ARHGAP26: variants seen among roughly 807,000 people sequenced by gnomAD.
ARHGAP26 encodes the protein rho GTPase-activating protein 26.
ARHGAP26 carries 38 observed loss-of-function variants against 104.8 expected under a neutral mutation model. The observed-to-expected ratio is 0.36, with a 90% CI of 0.28 to 0.48. The LOEUF is 0.48. Among genes scored for constraint, ARHGAP26 ranks in the 20% least tolerant of loss-of-function variants. The pLI is 0.99. For missense variants in ARHGAP26, 704 were observed against 947.9 expected (o/e 0.74, Z 3.38); for synonymous variants, 341 against 340.0 (o/e 1.00, Z -0.03).
chr5:143,074,597 G>A (rs112160289), intron 17 of ARHGAP26, among the ~76,000 whole-genome samples: 3,263 of 152,318 alleles, frequency 0.021, 97 homozygotes, highest in African/African-American at 0.072. Flanking sequence ...TTGGAACAGA[G>A]CCATGCTCAT....
At chr5:142,847,490 TG>T (rs1216530832) in intron 1 of ARHGAP26, among the ~76,000 whole-genome samples, 6 of 152,070 alleles carry the variant, frequency 3.9e-5, no homozygotes, top group Non-Finnish European at 4.4e-5. Flanking sequence ...CCGGAGTAGC[TG>T]GGATTACAGG....
At chr5:142,923,842 T>G (rs914518032) in intron 10 of ARHGAP26, among the ~76,000 whole-genome samples, 1 of 151,518 alleles carries the variant, frequency 6.6e-6, no homozygotes, top group African/African-American at 2.4e-5. Flanking sequence ...TTCATTCATT[T>G]ATTAGGATCA....
chr5:142,833,193 A>G (rs1008542680), intron 1 of ARHGAP26, among the ~76,000 whole-genome samples: 2 of 150,920 alleles, frequency 1.3e-5, no homozygotes, highest in African/African-American at 4.9e-5. Context: ...AGCTGGGACT[A>G]CAGGCACCCA....
chr5:143,214,005 T>C lies in ARHGAP26; in HGVS notation c.2108T>C (p.Phe703Ser). The C allele has an allele frequency of 6.3e-7, 1 of 1,592,762 alleles. No homozygotes were observed. Among genetic ancestry groups the C allele is most frequent in the Non-Finnish European group, 8.6e-7 (1 of 1,164,802 alleles). ...SSDSSPVSTP[F>S]RKAKALYACK... is the part of the protein sequence containing the mutation. Reference sequence around the variant, plus strand: ...CTCCTGTTTTCACACAGCACACCGTTCCGGAAGGCAAAAGCCTTGTATGCC... The same window carrying C: ...CTCCTGTTTTCACACAGCACACCGTCCCGGAAGGCAAAAGCCTTGTATGCC... The change falls in exon 22 of 23, where the codon TTC (phenylalanine) becomes TCC (serine). Residue 703 changes from phenylalanine to serine, a missense_variant. Coordinates refer to ENST00000645722, the MANE Select transcript of ARHGAP26 (RefSeq NM_001135608.3).
intron 18 of ARHGAP26, among the ~76,000 whole-genome samples, chr5:143,123,364 C>T (rs553647778): frequency 2.6e-4 from 40 of 152,352 alleles, no homozygotes; most frequent in African/African-American, 9.6e-4. Context: ...AGGAGATGCT[C>T]CCTCAGTCTT....
At chr5:143,070,646 A>G (rs1168055542) in intron 17 of ARHGAP26, among the ~76,000 whole-genome samples, 1 of 152,206 alleles carries the variant, frequency 6.6e-6, no homozygotes, top group Non-Finnish European at 1.5e-5. Context: ...GAAGGGGCTT[A>G]TGCCTATAAT....
At chr5:143,125,590 A>G (rs1280620240) in intron 18 of ARHGAP26, among the ~76,000 whole-genome samples, 1 of 152,244 alleles carries the variant, frequency 6.6e-6, no homozygotes, top group Admixed American at 6.5e-5. Context: ...AGGAGGAGAC[A>G]GAGAGGAAAA....
At chr5:143,164,907 A>C (rs990322115) in intron 20 of ARHGAP26, 1 of 152,248 alleles carries the variant, frequency 6.6e-6, no homozygotes, top group Non-Finnish European at 1.5e-5. Flanking sequence ...TAGAATCTGA[A>C]TATATAATCA....
At chr5:142,960,954 A>G (rs1770131040) in intron 11 of ARHGAP26, among the ~76,000 whole-genome samples, 1 of 152,210 alleles carries the variant, frequency 6.6e-6, no homozygotes, top group African/African-American at 2.4e-5. Flanking sequence ...ACCTTCTCAG[A>G]GAGGGCTTTC....
intron 1 of ARHGAP26, among the ~76,000 whole-genome samples, chr5:142,795,689 C>T: frequency 6.6e-6 from 1 of 152,106 alleles, no homozygotes; most frequent in East Asian, 1.9e-4. Context: ...CTTATTAAAG[C>T]CAGGAGGATA....
intron 14 of ARHGAP26, 63 bp from the exon 15 acceptor site, chr5:143,054,376 G>A: frequency 8.6e-7 from 1 of 1,162,704 alleles, no homozygotes. Context: ...ATGCCTTTAT[G>A]TGTGCTTATT....
chr5:142,789,123 A>C (rs984584659), intron 1 of ARHGAP26, among the ~76,000 whole-genome samples: 1 of 152,230 alleles, frequency 6.6e-6, no homozygotes, highest in Non-Finnish European at 1.5e-5. Context: ...TCTCATTTAC[A>C]AAATGGAGAC....
At chr5:143,060,331 A>G (rs971582668) in intron 17 of ARHGAP26, among the ~76,000 whole-genome samples, 2 of 152,150 alleles carry the variant, frequency 1.3e-5, no homozygotes, top group African/African-American at 4.8e-5. Context: ...TGTATTGTAT[A>G]TTTTTTAAAG....
intron 14 of ARHGAP26, among the ~76,000 whole-genome samples, chr5:143,052,575 C>T (rs1001760219): frequency 1.3e-5 from 2 of 152,126 alleles, no homozygotes; most frequent in Non-Finnish European, 2.9e-5. Context: ...AAACATCATA[C>T]AGGTACTGTG....
chr5:143,139,446 T>G (rs1445318964), intron 19 of ARHGAP26, among the ~76,000 whole-genome samples: 3 of 152,214 alleles, frequency 2.0e-5, no homozygotes, highest in African/African-American at 7.2e-5. Context: ...AAAGGGTACC[T>G]TTGTCAGTTC....
intron 11 of ARHGAP26, among the ~76,000 whole-genome samples, chr5:143,002,573 G>A (rs920610875): frequency 2.0e-5 from 3 of 152,154 alleles, no homozygotes; most frequent in Non-Finnish European, 4.4e-5. Flanking sequence ...AGAGCCGTAA[G>A]ACTCCTCACA....
In ARHGAP26 at chr5:142,873,392, C is replaced by A. The variant is rs777084250; in HGVS notation, c.155-8C>A. On this transcript the variant is annotated splice_polypyrimidine_tract_variant and splice_region_variant and intron_variant, in intron 1 of 22. Transcript: ENST00000645722. ...AATTCCTGATTTTTCCTGTCTTTTT[C>A]TTGCTAGATTTGTCTTCAGCGAAGC... The A allele has an allele frequency of 5.7e-6, 9 of 1,589,832 alleles. No individual in the cohort carries two copies. In the South Asian group the frequency reaches 8.1e-5, roughly 14 times the overall value.
chr5:143,077,430 G>A (rs951299140), intron 17 of ARHGAP26, among the ~76,000 whole-genome samples: 3 of 152,188 alleles, frequency 2.0e-5, no homozygotes. Flanking sequence ...GAAAACCCCA[G>A]CACCGGTTCT....
intron 17 of ARHGAP26, among the ~76,000 whole-genome samples, chr5:143,110,627 G>T (rs1794667190): frequency 6.6e-6 from 1 of 152,128 alleles, no homozygotes; most frequent in African/African-American, 2.4e-5. Flanking sequence ...CTAGATGTGA[G>T]AACTAATCAA....
Sources: gnomAD v4.1 joint callset for allele counts (sites outside exome capture counted in the v4.1 genomes callset) on GRCh38, gnomAD v4.1.1 for gene constraint, MANE v1.5 for transcripts, NCBI Gene and HGNC (gene_info 2026-07-23, HGNC 2026-07-21) for gene names.